The following ZPBP variants were observed in gnomAD, a reference collection of about 807,000 sequenced individuals.
ZPBP encodes the protein zona pellucida-binding protein 1.
A neutral mutation model predicts 44.8 loss-of-function variants in ZPBP; 26 were observed. The observed-to-expected ratio is 0.58, with a 90% CI of 0.43 to 0.81. The LOEUF is 0.81. Ranked by LOEUF, ZPBP falls within the 30% of genes least tolerant of loss-of-function variation. The probability of loss-of-function intolerance (pLI) is 0.00; values close to 1 mark genes in which losing one functional copy is unlikely to be tolerated. For missense variants in ZPBP, 409 were observed against 434.0 expected, an observed-to-expected ratio of 0.94 and a Z score of 0.51; for synonymous variants, 174 against 153.2, an observed-to-expected ratio of 1.14 and a Z score of -1.00.
At chr7:49,888,197 C>A (rs1484174285) in intron 2 of ZPBP, among the ~76,000 whole-genome samples, 2 of 152,180 alleles carry the variant, frequency 1.3e-5, no homozygotes. Context: ...TTTCTGACAG[C>A]CAGTTAAATA....
chr7:49,878,443 G>A (rs1160158382), intron 2 of ZPBP, among the ~76,000 whole-genome samples: 1 of 152,070 alleles, frequency 6.6e-6, no homozygotes, highest in Non-Finnish European at 1.5e-5. Context: ...GAAACTGTCT[G>A]TATTTTCCTT....
At chr7:49,846,801 A>G (rs919045216), downstream of ZPBP, among the ~76,000 whole-genome samples, 1 of 152,196 alleles carries the variant, frequency 6.6e-6, no homozygotes, top group Non-Finnish European at 1.5e-5. Flanking sequence ...TCCTTTATAC[A>G]TATGTAAATT....
intron 2 of ZPBP, among the ~76,000 whole-genome samples, chr7:50,088,096 T>C (rs1247010705): frequency 6.6e-6 from 1 of 152,034 alleles, no homozygotes; most frequent in Non-Finnish European, 1.5e-5. Flanking sequence ...ATCAATGGTA[T>C]AGAATTTAAA....
chr7:49,977,019 G>A (rs1796550797), intron 7 of ZPBP, among the ~76,000 whole-genome samples: 3 of 151,740 alleles, frequency 2.0e-5, no homozygotes, highest in Non-Finnish European at 2.9e-5. Flanking sequence ...GGAGAAGGGC[G>A]TGAACCCAGG....
intron 7 of ZPBP, among the ~76,000 whole-genome samples, chr7:49,951,511 C>CTATTTCACA (rs1795342441): frequency 6.7e-6 from 1 of 150,180 alleles, no homozygotes; most frequent in African/African-American, 2.4e-5. Context: ...GAATGAGACA[C>CTATTTCACA]TATTTCACAT....
At position 50,026,431 on chromosome 7, in the gene ZPBP, C is replaced by G. The variant is rs142116590; in HGVS notation, c.706+4661G>C. On this transcript the variant is annotated intron_variant, in intron 5 of 7. Transcript: ENST00000046087. ...GCACTTGAACAACACTAGATCTATA[C>G]AATATACACAGGACCCTCCACCCAA... is the stretch of plus-strand genomic sequence containing the variant. Among the ~76,000 whole-genome samples the G allele has an allele frequency of 9.9e-5, 15 of 151,792 alleles. 1 individual carries two copies. In the East Asian group the frequency reaches 2.9e-3, roughly 29 times the overall value.
At chr7:50,046,106 G>A (rs1160286089) in intron 4 of ZPBP, among the ~76,000 whole-genome samples, 1 of 152,156 alleles carries the variant, frequency 6.6e-6, no homozygotes, top group Non-Finnish European at 1.5e-5. Context: ...GCAGAAAACT[G>A]AAACTGGACC....
At chr7:50,034,822 CA>C (rs141220507) in intron 4 of ZPBP, among the ~76,000 whole-genome samples, 3,830 of 152,260 alleles carry the variant, frequency 0.025, 69 homozygotes, top group Non-Finnish European at 0.043. Flanking sequence ...ACCTCTAATC[CA>C]AATCTCCCCA....
In ZPBP at chr7:49,878,551, G is replaced by A. The variant is rs1197715208; in HGVS notation, n.509+22567C>T. Among the ~76,000 whole-genome samples the A allele has an allele frequency of 3.9e-5, 6 of 152,014 alleles. No individual in the cohort carries two copies. The South Asian group carries it at 1.2e-3, about 31-fold the overall frequency. The stretch of plus-strand genomic sequence containing the variant: ...TTTTTTCACTGTCTCCTGACTCCCA[G>A]CTCTCAACGCTCGGTCTACTTTTTG... On this transcript the variant is annotated intron_variant and non_coding_transcript_variant, in intron 2 of 2. Transcript: ENST00000465922.
chr7:49,879,179 T>C (rs1430895684), intron 2 of ZPBP, among the ~76,000 whole-genome samples: 1 of 152,184 alleles, frequency 6.6e-6, no homozygotes, highest in Non-Finnish European at 1.5e-5. Flanking sequence ...CACTTGATTC[T>C]CTATAGTTTT....
At chr7:49,982,288 CATAATATATATAATATATA>C (rs1335488831) in intron 7 of ZPBP, among the ~76,000 whole-genome samples, 1 of 39,544 alleles carries the variant, frequency 2.5e-5, no homozygotes, top group Admixed American at 3.7e-4. Context: ...TATAATTATA[CATAATATATATAATATATA>C]ATTATATAAT....
At chr7:50,078,930 A>G (rs546523617) in intron 3 of ZPBP, among the ~76,000 whole-genome samples, 102 of 151,486 alleles carry the variant, frequency 6.7e-4, no homozygotes, top group African/African-American at 2.4e-3. Flanking sequence ...AAGAAGTGAA[A>G]CATGTGGACA....
intron 7 of ZPBP, among the ~76,000 whole-genome samples, chr7:49,969,521 A>AC (rs934006483): frequency 7.3e-5 from 11 of 150,634 alleles, no homozygotes; most frequent in African/African-American, 1.9e-4. Flanking sequence ...AAAAAAAAAA[A>AC]ACACATAAGA....
At chr7:49,988,994 G>A in intron 6 of ZPBP, among the ~76,000 whole-genome samples, 1 of 152,142 alleles carries the variant, frequency 6.6e-6, no homozygotes, top group Non-Finnish European at 1.5e-5. Context: ...AAAATTTGGA[G>A]CATATTTGTC....
chr7:49,870,295 G>A (rs2626346), intron 2 of ZPBP, among the ~76,000 whole-genome samples: 8,217 of 152,222 alleles, frequency 0.054, 734 homozygotes, highest in African/African-American at 0.19. Flanking sequence ...AGCTACTCGG[G>A]AGGCTGAGGC....
intron 2 of ZPBP, among the ~76,000 whole-genome samples, chr7:49,877,478 AAAAATAT>A (rs1474108090): frequency 2.8e-4 from 11 of 39,146 alleles, no homozygotes; most frequent in African/African-American, 1.0e-3. Context: ...AAAAAAAAAA[AAAAATAT>A]ATATATATAT....
At chr7:49,986,647 T>C (rs1016897507) in intron 6 of ZPBP, among the ~76,000 whole-genome samples, 2 of 152,226 alleles carry the variant, frequency 1.3e-5, no homozygotes, top group Admixed American at 6.5e-5. Flanking sequence ...TCTTTTTTTT[T>C]TCTCCACCAG....
chr7:50,066,912 GGTC>G (rs1206701023), intron 3 of ZPBP, among the ~76,000 whole-genome samples: 1 of 152,132 alleles, frequency 6.6e-6, no homozygotes, highest in Non-Finnish European at 1.5e-5. Context: ...CTAATCCACT[GGTC>G]GTCGTCGGGA....
chr7:49,874,090 A>G (rs1260721583), intron 2 of ZPBP, among the ~76,000 whole-genome samples: 1 of 152,056 alleles, frequency 6.6e-6, no homozygotes, highest in African/African-American at 2.4e-5. Flanking sequence ...AGGAGTAAGG[A>G]CGGGACTGGA....
Sources: gnomAD v4.1 joint callset for allele counts (sites outside exome capture counted in the v4.1 genomes callset) on GRCh38, gnomAD v4.1.1 for gene constraint, MANE v1.5 for transcripts, NCBI Gene and HGNC (gene_info 2026-07-23, HGNC 2026-07-21) for gene names.